SPOPL: variants seen among roughly 807,000 people sequenced by gnomAD.
SPOPL encodes speckle-type POZ protein-like.
Under a neutral mutation model 53.8 loss-of-function variants are expected in SPOPL, and 23 were observed. The observed-to-expected ratio is 0.43, with a 90% CI of 0.31 to 0.61. SPOPL has a LOEUF of 0.61. SPOPL is among the 20% of genes least tolerant of loss of function. The pLI is 0.12. For missense variants in SPOPL, 442 were observed against 466.9 expected (o/e 0.95, Z 0.49); for synonymous variants, 164 against 149.7 (o/e 1.10, Z -0.70).
At chr2:138,553,255 A>C (rs1685353006) in intron 5 of SPOPL, among the ~76,000 whole-genome samples, 1 of 152,064 alleles carries the variant, frequency 6.6e-6, no homozygotes, top group African/African-American at 2.4e-5. Context: ...AGTTACTAGC[A>C]TTGCCTCTGC....
chr2:138,533,103 A>G (rs1684847885), intron 1 of SPOPL, among the ~76,000 whole-genome samples: 1 of 152,152 alleles, frequency 6.6e-6, no homozygotes, highest in Non-Finnish European at 1.5e-5. Context: ...AAGGGTGTGT[A>G]TATGTATAAA....
intron 1 of SPOPL, among the ~76,000 whole-genome samples, chr2:138,527,632 T>C (rs1684704536): frequency 1.3e-5 from 2 of 152,256 alleles, no homozygotes; most frequent in African/African-American, 4.8e-5. Context: ...GTCCCCTGAA[T>C]TGTCTCCATT....
intron 8 of SPOPL, among the ~76,000 whole-genome samples, chr2:138,561,234 T>C (rs1685541460): frequency 6.6e-6 from 1 of 152,154 alleles, no homozygotes; most frequent in Non-Finnish European, 1.5e-5. Context: ...TTTTCAGATA[T>C]TTTTAGTCTT....
At chr2:138,502,506 G>T (rs1684126652) in intron 1 of SPOPL, among the ~76,000 whole-genome samples, 1 of 152,200 alleles carries the variant, frequency 6.6e-6, no homozygotes, top group African/African-American at 2.4e-5. Context: ...CCCAAAGGCA[G>T]AAACTGCATG....
At chr2:138,537,690 C>T (rs1325261640) in intron 1 of SPOPL, among the ~76,000 whole-genome samples, 1 of 152,180 alleles carries the variant, frequency 6.6e-6, no homozygotes, top group Non-Finnish European at 1.5e-5. Flanking sequence ...AGAGGGAACA[C>T]AGTGCTTATG....
Position 138,571,767 on chromosome 2 carries a change from A to G in SPOPL, c.*2687A>G, listed in dbSNP as rs1045025666. The G allele has an allele frequency of 2.6e-5, 4 of 152,596 alleles. No homozygotes were observed. The highest frequency in any genetic ancestry group is 5.9e-5 in the Non-Finnish European group (4 of 68,008). 9.5% of individuals were successfully genotyped at this position (152,596 alleles called of 1,614,324 possible). On this transcript the variant is annotated 3_prime_UTR_variant, in exon 11 of 11. Transcript: ENST00000280098. ...AAGGCTTTTTCTGAGAAGGTAGTGA[A>G]TGGTTTCAAATGTTGCATACTATAA...
intron 8 of SPOPL, 65 bp downstream of exon 8, chr2:138,560,992 A>G (rs1685534027): frequency 1.9e-6 from 3 of 1,546,886 alleles, no homozygotes; most frequent in Non-Finnish European, 2.6e-6. Context: ...GAAAGCTGTC[A>G]TCAAATGAAA....
chr2:138,561,068 A>G (rs1181053750), intron 8 of SPOPL, 141 bp downstream of exon 8: 2 of 1,018,270 alleles, frequency 2.0e-6, no homozygotes, highest in East Asian at 5.9e-5. Context: ...ACAGTGGGGT[A>G]ATCTGGAAAT....
intron 1 of SPOPL, among the ~76,000 whole-genome samples, chr2:138,534,930 CTTTA>C (rs761070112): frequency 3.9e-5 from 6 of 152,170 alleles, no homozygotes; most frequent in South Asian, 2.1e-4. Context: ...TGCATCAATA[CTTTA>C]TTTATTTTTA....
At chr2:138,559,422 C>G (rs1235409607) in intron 7 of SPOPL, 85 bp downstream of exon 7, 1 of 1,349,052 alleles carries the variant, frequency 7.4e-7, no homozygotes, top group Non-Finnish European at 1.0e-6. Flanking sequence ...GTACAATGTT[C>G]TCATTGTCAT....
At chr2:138,541,062 T>C (rs1685061211) in intron 1 of SPOPL, among the ~76,000 whole-genome samples, 1 of 152,234 alleles carries the variant, frequency 6.6e-6, no homozygotes, top group African/African-American at 2.4e-5. Flanking sequence ...TTTGCATATG[T>C]TGAAGCAGCT....
intron 1 of SPOPL, among the ~76,000 whole-genome samples, chr2:138,506,589 C>T (rs1377443712): frequency 1.3e-5 from 2 of 152,082 alleles, no homozygotes; most frequent in Non-Finnish European, 2.9e-5. Flanking sequence ...AAAAGGCTGA[C>T]TTCCAGGGCC....
At chr2:138,554,641 C>A in intron 5 of SPOPL, 1 of 449,836 alleles carries the variant, frequency 2.2e-6, no homozygotes, top group Non-Finnish European at 3.2e-6. Flanking sequence ...GCAGTGTAAG[C>A]AGCTCTGCCC....
At chr2:138,542,614 T>A (rs974450522) in intron 1 of SPOPL, among the ~76,000 whole-genome samples, 1 of 152,210 alleles carries the variant, frequency 6.6e-6, no homozygotes, top group Non-Finnish European at 1.5e-5. Context: ...CCCTTTATTT[T>A]GAGCCTATGT....
intron 3 of SPOPL, 76 bp from the exon 4 acceptor site, chr2:138,550,827 T>TTCTCTCTCTCTCTCTC (rs66690846): frequency 1.5e-6 from 2 of 1,367,400 alleles, no homozygotes; most frequent in East Asian, 2.4e-5. Flanking sequence ...CTCTCTCTCT[T>TTCTCTCTCTCTCTCTC]TCTCTCTCTC....
intron 1 of SPOPL, among the ~76,000 whole-genome samples, chr2:138,523,049 A>G (rs994590148): frequency 1.3e-5 from 2 of 152,228 alleles, no homozygotes; most frequent in Non-Finnish European, 2.9e-5. Flanking sequence ...GTAAAAGACA[A>G]TAAATGAAGT....
chr2:138,565,423 A>G (rs748337615), intron 10 of SPOPL, among the ~76,000 whole-genome samples: 4 of 152,218 alleles, frequency 2.6e-5, no homozygotes, highest in Admixed American at 6.5e-5. Context: ...GTAATATGCT[A>G]TATTAGGCTA....
At chr2:138,550,406 A>T in intron 2 of SPOPL, 77 bp from the exon 3 acceptor site, 9 of 1,585,338 alleles carry the variant, frequency 5.7e-6, no homozygotes, top group Non-Finnish European at 7.8e-6. Context: ...AGAAGACTGG[A>T]TCGTAGGATG....
intron 1 of SPOPL, among the ~76,000 whole-genome samples, chr2:138,511,185 A>G (rs1318301948): frequency 2.0e-5 from 3 of 152,100 alleles, no homozygotes; most frequent in African/African-American, 4.8e-5. Flanking sequence ...TGAATTGTGG[A>G]GTATCTTGGT....
Sources: allele counts gnomAD v4.1 joint callset (sites outside exome capture counted in the v4.1 genomes callset), GRCh38; gene constraint gnomAD v4.1.1; transcripts MANE v1.5; gene names NCBI Gene and HGNC (gene_info 2026-07-23, HGNC 2026-07-21).